MTAP: variants seen among roughly 807,000 people sequenced by gnomAD.
MTAP encodes the protein methylthioadenosine phosphorylase.
A neutral mutation model predicts 33.6 loss-of-function variants in MTAP; 33 were observed. The ratio of observed to expected loss-of-function variants is 0.98; its 90% confidence interval spans 0.74 to 1.31. The LOEUF is 1.31. Among genes scored for constraint, MTAP ranks in the 40% most tolerant of loss-of-function variants. MTAP has a pLI of 0.00. For synonymous variants in MTAP, 148 were observed against 125.7 expected, an observed-to-expected ratio of 1.18 and a Z score of -1.19; for missense variants, 367 against 360.0, an observed-to-expected ratio of 1.02 and a Z score of -0.16.
At chr9:21,842,500 A>G (rs1825271570) in intron 5 of MTAP, among the ~76,000 whole-genome samples, 1 of 152,214 alleles carries the variant, frequency 6.6e-6, no homozygotes, top group South Asian at 2.1e-4. Context: ...GAACTGTGAG[A>G]CAAAAACATC....
intron 5 of MTAP, among the ~76,000 whole-genome samples, chr9:21,845,526 A>G (rs1306950153): frequency 1.3e-5 from 2 of 152,168 alleles, no homozygotes; most frequent in African/African-American, 4.8e-5. Context: ...TAGATAATAC[A>G]AAAAAATGGA....
At chr9:21,812,046 C>T in intron 1 of MTAP, 1 of 246,722 alleles carries the variant, frequency 4.1e-6, no homozygotes, top group Non-Finnish European at 8.0e-6. Flanking sequence ...GCAGAGGTTG[C>T]AGGCAGCCAT....
chr9:21,835,242 A>C (rs113625891), intron 4 of MTAP, among the ~76,000 whole-genome samples: 1,576 of 152,230 alleles, frequency 0.01, 26 homozygotes, highest in African/African-American at 0.037. Context: ...TAATACCATC[A>C]CATCTTGTGA....
intron 1 of MTAP, among the ~76,000 whole-genome samples, chr9:21,905,329 G>A (rs1167944231): frequency 6.6e-6 from 1 of 152,062 alleles, no homozygotes; most frequent in Non-Finnish European, 1.5e-5. Flanking sequence ...TGCCCGCTAG[G>A]GTTTCGGGGG....
chr9:21,812,896 G>C (rs1824386348), intron 1 of MTAP, among the ~76,000 whole-genome samples: 1 of 152,220 alleles, frequency 6.6e-6, no homozygotes, highest in African/African-American at 2.4e-5. Flanking sequence ...CCTGGACGAG[G>C]TTTTTAATTT....
At chr9:21,915,134 G>A (rs1818667067) in intron 1 of MTAP, among the ~76,000 whole-genome samples, 1 of 148,574 alleles carries the variant, frequency 6.7e-6, no homozygotes, top group Non-Finnish European at 1.5e-5. Flanking sequence ...CCAGCCTGGA[G>A]TGCAGTGGTG....
At position 21,809,363 on chromosome 9, in the gene MTAP, G is replaced by A. The variant is rs557850393; in HGVS notation, c.34-6070G>A. Among the ~76,000 whole-genome samples the A allele has an allele frequency of 6.6e-5, 10 of 152,284 alleles. No individual in the cohort carries two copies. In the East Asian group the frequency reaches 1.7e-3, roughly 26 times the overall value. ...TTAAAAATTTATGGTCTAGGGGCCGGGCGCGGTGGCTCATGCCTGTAATCC... is the reference window on the plus strand; with the variant it reads ...TTAAAAATTTATGGTCTAGGGGCCGAGCGCGGTGGCTCATGCCTGTAATCC... On this transcript the variant is annotated intron_variant, in intron 1 of 7. Transcript: ENST00000644715.
downstream of MTAP, chr9:21,936,012 C>G (rs367590844): frequency 6.6e-6 from 1 of 152,144 alleles, no homozygotes; most frequent in Non-Finnish European, 1.5e-5. Context: ...CAAATAAAGA[C>G]AATTACTAAC....
intron 4 of MTAP, among the ~76,000 whole-genome samples, chr9:21,833,694 G>T (rs1431119244): frequency 6.6e-6 from 1 of 152,220 alleles, no homozygotes; most frequent in African/African-American, 2.4e-5. Context: ...GTTGGGGCTT[G>T]TTGTGGATAC....
At chr9:21,822,480 CTGTGGTCTGAGAGATAGTT>C (rs1167927222) in intron 4 of MTAP, among the ~76,000 whole-genome samples, 49 of 152,294 alleles carry the variant, frequency 3.2e-4, no homozygotes, top group African/African-American at 1.2e-3. Flanking sequence ...TTTGATTGCA[CTGTGGTCTGAGAGATAGTT>C]TGTTATAATT....
intron 1 of MTAP, among the ~76,000 whole-genome samples, chr9:21,907,700 C>T (rs187390167): frequency 2.6e-5 from 4 of 151,578 alleles, no homozygotes; most frequent in Non-Finnish European, 5.9e-5. Context: ...AAAGTAATTC[C>T]TGGTGGTCAT....
intron 4 of MTAP, among the ~76,000 whole-genome samples, chr9:21,827,461 T>C (rs946891152): frequency 7.9e-5 from 12 of 152,250 alleles, no homozygotes; most frequent in African/African-American, 2.7e-4. Flanking sequence ...TGAAACTGTT[T>C]TGAAATTGCC....
chr9:21,802,799 A>C lies in MTAP; in HGVS notation c.33+18A>C. The C allele has an allele frequency of 6.2e-7, 1 of 1,612,626 alleles. No individual in the cohort carries two copies. Among genetic ancestry groups the C allele is most frequent in the Non-Finnish European group, 8.5e-7 (1 of 1,179,638 alleles). On this transcript the variant is annotated intron_variant, in intron 1 of 7. Transcript: ENST00000644715. Reference sequence around the variant, plus strand: ...CCGTGAAGGTGAGATGAGCCCTCCCAGCCGCAGCGGTTCGCCCTGCCGGAT... The same window carrying C: ...CCGTGAAGGTGAGATGAGCCCTCCCCGCCGCAGCGGTTCGCCCTGCCGGAT...
intron 1 of MTAP, 46 bp downstream of exon 1, chr9:21,802,827 C>G (rs1285760802): frequency 2.5e-6 from 4 of 1,608,636 alleles, no homozygotes; most frequent in East Asian, 4.5e-5. Flanking sequence ...TGCCGGATGC[C>G]TTCTCGCCCC....
At chr9:21,845,392 TG>T (rs1292860501) in intron 5 of MTAP, among the ~76,000 whole-genome samples, 1 of 151,960 alleles carries the variant, frequency 6.6e-6, no homozygotes, top group African/African-American at 2.4e-5. Context: ...GCAACCAAGC[TG>T]AGAATCAAAT....
chr9:21,930,435 T>G (rs1198440600), intron 1 of MTAP: 1 of 215,548 alleles, frequency 4.6e-6, no homozygotes, highest in African/African-American at 2.3e-5. Context: ...CTGGACATCT[T>G]TATACTCCCT....
intron 5 of MTAP, among the ~76,000 whole-genome samples, chr9:21,851,611 G>A (rs1038581775): frequency 1.3e-5 from 2 of 152,160 alleles, no homozygotes; most frequent in African/African-American, 2.4e-5. Flanking sequence ...ATGGATTCAT[G>A]TGGACTTGTG....
chr9:21,823,405 G>C (rs2118133894), intron 4 of MTAP, among the ~76,000 whole-genome samples: 1 of 152,268 alleles, frequency 6.6e-6, no homozygotes, highest in Non-Finnish European at 1.5e-5. Flanking sequence ...ATTCTGGGTT[G>C]AAAATTCTTT....
downstream of MTAP, chr9:21,931,471 A>G (rs887150228): frequency 5.9e-5 from 18 of 307,140 alleles, no homozygotes; most frequent in African/African-American, 1.1e-4. Context: ...GGGAAAGACA[A>G]TCTCCCAATA....
Sources: gnomAD v4.1 joint callset for allele counts (sites outside exome capture counted in the v4.1 genomes callset) on GRCh38, gnomAD v4.1.1 for gene constraint, MANE v1.5 for transcripts, NCBI Gene and HGNC (gene_info 2026-07-23, HGNC 2026-07-21) for gene names.